Variants in HDAC4 observed in about 807,000 individuals in gnomAD.
HDAC4 encodes histone deacetylase A.
A neutral mutation model predicts 135.1 loss-of-function variants in HDAC4; 16 were observed. The ratio of observed to expected loss-of-function variants is 0.12; its 90% CI spans 0.08 to 0.18. The LOEUF (loss-of-function observed/expected upper bound fraction) is 0.18. Among genes scored for constraint, HDAC4 ranks in the 10% least tolerant of loss-of-function variants. The pLI, the probability that HDAC4 is intolerant of heterozygous loss-of-function variation, is 1.00. For synonymous variants in HDAC4, 685 were observed against 653.4 expected (o/e 1.05, Z -0.74); for missense variants, 1,143 against 1,511.8 (o/e 0.76, Z 4.05).
chr2:239,239,797 C>G (rs950481726), intron 2 of HDAC4, among the ~76,000 whole-genome samples: 3 of 152,196 alleles, frequency 2.0e-5, no homozygotes, highest in African/African-American at 7.2e-5. Context: ...TGAGGCGGCA[C>G]TGGGTTAATA....
At chr2:239,217,789 A>G (rs1033794306) in intron 3 of HDAC4, among the ~76,000 whole-genome samples, 2 of 152,200 alleles carry the variant, frequency 1.3e-5, no homozygotes, top group Non-Finnish European at 2.9e-5. Context: ...AACAAGAAGC[A>G]TTCACAACAG....
chr2:239,234,784 A>C (rs1382775416), intron 3 of HDAC4, among the ~76,000 whole-genome samples: 2 of 152,328 alleles, frequency 1.3e-5, no homozygotes, highest in African/African-American at 4.8e-5. Context: ...AGGTCTCGAC[A>C]GGCAGGGTGC....
At position 239,312,442 on chromosome 2, in the gene HDAC4, G is replaced by A. The variant is rs140030270; in HGVS notation, c.22+40236C>T. Among the ~76,000 whole-genome samples, 176 of 152,304 alleles carry A rather than the reference G, an allele frequency of 1.2e-3. 2 individuals carry two copies. Among genetic ancestry groups the A allele is most frequent in the African/African-American group, 4.1e-3 (169 of 41,584 alleles). ...GCCCACACGCAGGGCACGCACGCAC[G>A]TAGTTCCACATTAGGCCCTTTCTTC... On this transcript the variant is annotated intron_variant, in intron 2 of 26. Transcript: ENST00000543185.
Position 239,189,973 on chromosome 2 carries a change from G to A in HDAC4, c.199C>T (p.Arg67Trp), listed in dbSNP as rs376138478. 3 of 1,607,908 alleles carry A rather than the reference G, an allele frequency of 1.9e-6. No homozygotes were observed. Among genetic ancestry groups the A allele is most frequent in the South Asian group, 1.1e-5 (1 of 91,062 alleles). The change falls in exon 4 of 27, where the codon CGG becomes TGG. Residue 67 changes from arginine (R) to tryptophan (W), a missense_variant. Physicochemically the swap from Arg to Trp is moderately radical, Grantham distance 101. Transcript: ENST00000543185. ...FSLPVAEPAL[R>W]EQQLQQELLA... ...AGCTCCTGCTGCAGCTGCTGCTCCCGCAGGGCCGGCTCTGCCACAGGCAGT... is the reference window on the plus strand; with the variant it reads ...AGCTCCTGCTGCAGCTGCTGCTCCCACAGGGCCGGCTCTGCCACAGGCAGT...
intron 4 of HDAC4, among the ~76,000 whole-genome samples, chr2:239,179,187 G>A (rs144611883): frequency 1.3e-5 from 2 of 152,212 alleles, no homozygotes; most frequent in South Asian, 2.1e-4. Context: ...TGCTCCATGA[G>A]TGGCTGCGCT....
At chr2:239,387,364 G>A (rs879316358) in intron 1 of HDAC4, among the ~76,000 whole-genome samples, 3 of 152,218 alleles carry the variant, frequency 2.0e-5, no homozygotes, top group Admixed American at 6.5e-5. Flanking sequence ...CCGCCGCTGC[G>A]TGCCTGGCCA....
intron 22 of HDAC4, among the ~76,000 whole-genome samples, chr2:239,077,281 G>C (rs1039507800): frequency 1.3e-5 from 2 of 152,270 alleles, no homozygotes; most frequent in African/African-American, 4.8e-5. Flanking sequence ...GTTCCTTCGG[G>C]ACGGCCCTTC....
At chr2:239,249,050 G>A (rs535179462) in intron 2 of HDAC4, among the ~76,000 whole-genome samples, 2 of 152,354 alleles carry the variant, frequency 1.3e-5, no homozygotes, top group South Asian at 2.1e-4. Flanking sequence ...GGCGGAACAC[G>A]GCAGGGACTG....
chr2:239,385,847 A>G (rs1193757564), intron 1 of HDAC4, among the ~76,000 whole-genome samples: 1 of 152,208 alleles, frequency 6.6e-6, no homozygotes, highest in Non-Finnish European at 1.5e-5. Context: ...AATCAAAAAG[A>G]GGCCACTGGG....
intron 12 of HDAC4, among the ~76,000 whole-genome samples, chr2:239,121,363 G>A (rs865885864): frequency 7.9e-5 from 12 of 152,252 alleles, no homozygotes; most frequent in East Asian, 1.9e-4. Flanking sequence ...GGGTCATAGC[G>A]GGGGTCAGCC....
Position 239,313,284 on chromosome 2 carries a change from A to G in HDAC4, c.22+39394T>C, listed in dbSNP as rs537899964. On this transcript the variant is annotated intron_variant, in intron 2 of 26. Transcript: ENST00000543185. The surrounding 1 kb of genome is among the most constrained non-coding windows in gnomAD (Gnocchi z 5.1). Reference sequence around the variant, plus strand: ...ATGGAAAGCAACAAAAGTACTTAACAAAATGCGCTGATGTAAATGTCCCTG... The same window carrying G: ...ATGGAAAGCAACAAAAGTACTTAACGAAATGCGCTGATGTAAATGTCCCTG... Among the ~76,000 whole-genome samples, 2 of 152,344 alleles carry G rather than the reference A, an allele frequency of 1.3e-5. No homozygotes were observed. Among genetic ancestry groups the G allele is most frequent in the African/African-American group, 4.8e-5 (2 of 41,576 alleles).
chr2:239,064,238 C>A (rs894426262), intron 24 of HDAC4, among the ~76,000 whole-genome samples: 25 of 152,262 alleles, frequency 1.6e-4, no homozygotes, highest in African/African-American at 6.0e-4. Context: ...CTGAATGAGA[C>A]CTTTCCTGGA....
rs1278228631 is a variant in HDAC4 at position 239,141,012 on chromosome 2, T to G, written c.866-1216A>C. The G allele has an allele frequency of 1.6e-5, 6 of 370,022 alleles. No individual in the cohort carries two copies. Among genetic ancestry groups the G allele is most frequent in the Admixed American group, 9.7e-5 (3 of 30,942 alleles). 22.9% of individuals were successfully genotyped at this position (370,022 alleles called of 1,614,324 possible). On this transcript the variant is annotated intron_variant, in intron 8 of 26. Transcript: ENST00000543185. The surrounding 1 kb of genome is among the most constrained non-coding windows in gnomAD (Gnocchi z 4.9). ...ACCTGGCAGACCTGATTCCAAACTT[T>G]GCCTTTATTAGCTCATCCATCTCTC...
intron 8 of HDAC4, among the ~76,000 whole-genome samples, chr2:239,142,645 T>C (rs962733659): frequency 1.3e-5 from 2 of 152,160 alleles, no homozygotes; most frequent in Non-Finnish European, 2.9e-5. Flanking sequence ...AGCTCAGCAC[T>C]GATCACGCCC....
At position 239,306,004 on chromosome 2, in the gene HDAC4, G is replaced by A. The variant is rs949114700; in HGVS notation, c.22+46674C>T. Among the ~76,000 whole-genome samples, 2 of 152,182 alleles carry A rather than the reference G, an allele frequency of 1.3e-5. No homozygotes were observed. Among genetic ancestry groups the A allele is most frequent in the African/African-American group, 4.8e-5 (2 of 41,438 alleles). On this transcript the variant is annotated intron_variant, in intron 2 of 26. Coordinates refer to ENST00000543185, the MANE Select transcript of HDAC4 (RefSeq NM_001378414.1). This position sits in a 1 kb window ranked among gnomAD's most constrained non-coding sequence, Gnocchi z 4.5. ...CACCCTGGGCAAGCACAGTGTCTGC[G>A]TCTCCCCCACGCTGAAATGATTCCT...
At position 239,071,177 on chromosome 2, in the gene HDAC4, G is replaced by C. The variant is rs545523496; in HGVS notation, c.2751-2570C>G. Among the ~76,000 whole-genome samples the C allele has an allele frequency of 2.0e-5, 3 of 152,244 alleles. No individual in the cohort carries two copies. In the East Asian group the frequency reaches 5.8e-4, roughly 29 times the overall value. On this transcript the variant is annotated intron_variant, in intron 22 of 26. Transcript: ENST00000543185. The stretch of plus-strand genomic sequence containing the variant: ...TCACGCCAGTAATCCCAGCACTTTG[G>C]GAGGCTGAGGTGGGCAGATCACCTG...
intron 12 of HDAC4, among the ~76,000 whole-genome samples, chr2:239,116,153 T>C (rs1420059164): frequency 6.6e-6 from 1 of 152,172 alleles, no homozygotes; most frequent in African/African-American, 2.4e-5. Flanking sequence ...TGGTTTGTCC[T>C]GGGCCTGCTC....
At position 239,117,222 on chromosome 2, in the gene HDAC4, G is replaced by A. The variant is rs117696290; in HGVS notation, c.1534-1912C>T. Among the ~76,000 whole-genome samples the A allele has an allele frequency of 5.3e-4, 80 of 152,320 alleles. No individual in the cohort carries two copies. The East Asian group carries it at 0.013, about 25-fold the overall frequency. ...AACAGGAACACAGGGTGCCGGAGAC[G>A]AGGTGGGGCTGTGGGAAGGGCACTC... On this transcript the variant is annotated intron_variant, in intron 12 of 26. Transcript: ENST00000543185.
Position 239,102,696 on chromosome 2 carries a change from A to G in HDAC4, c.2233+80T>C, listed in dbSNP as rs1392631125. 3.8e-5 allele frequency: 58 copies of G among 1,546,378 alleles called. No homozygotes were observed. The Admixed American group carries it at 9.6e-4, about 26-fold the overall frequency. ...CAGGCGACACCCACAGGTGCCCCAG[A>G]CACAAGGGGTTGAGAGCTGGAAACA... On this transcript the variant is annotated intron_variant, in intron 16 of 26. Coordinates refer to ENST00000543185, the MANE Select transcript of HDAC4 (RefSeq NM_001378414.1).
Sources: allele counts gnomAD v4.1 joint callset (sites outside exome capture counted in the v4.1 genomes callset), GRCh38; gene constraint gnomAD v4.1.1; non-coding constraint Gnocchi (gnomAD v3.1); transcripts MANE v1.5; gene names NCBI Gene and HGNC (gene_info 2026-07-23, HGNC 2026-07-21).